TOLLIP: variants seen among roughly 807,000 people sequenced by gnomAD.
The protein encoded by TOLLIP is toll-interacting protein.
Under a neutral mutation model 33.5 loss-of-function variants are expected in TOLLIP, and 16 were observed. That is an observed-to-expected ratio of 0.48 (90% confidence interval 0.32 to 0.72). TOLLIP has a LOEUF of 0.72. Ranked by LOEUF, TOLLIP falls within the 30% of genes least tolerant of loss-of-function variation. The pLI is 0.03. For synonymous variants in TOLLIP, 176 were observed against 163.7 expected (o/e 1.07, Z -0.57); for missense variants, 325 against 396.6 (o/e 0.82, Z 1.53).
Position 1,276,564 on chromosome 11 carries a change from A to T in TOLLIP, c.*475T>A. The T allele has an allele frequency of 1.1e-6, 1 of 881,988 alleles. No individual in the cohort carries two copies. The highest frequency in any genetic ancestry group is 1.6e-6 in the Non-Finnish European group (1 of 638,770). The allele number at this position is 881,988 out of a possible 1,614,324, so 54.6% of individuals were successfully genotyped here. A position where few individuals can be genotyped will look rare whatever the true frequency, so the allele number is the denominator to read the frequency against. ...GGCCAGGCTCACAGCAAAGCGCGTT[A>T]GGGCAAGGGCGTGAGTTTTCGTCTG... On this transcript the variant is annotated 3_prime_UTR_variant, in exon 6 of 6. Transcript: ENST00000317204.
At position 1,290,380 on chromosome 11, in the gene TOLLIP, G is replaced by A; in HGVS notation, c.213C>T (p.Thr71=). ...GCAGTCGGCAGTAGGGGTCCATGCG[G>A]GTCATGCCGTAATTCTTGGCCAACT... ...QAKLAKNYGM[T]RMDPYCRLRL... The change falls in exon 3 of 6, where the codon ACC becomes ACT. Residue 71 remains threonine, a synonymous_variant. Coordinates refer to ENST00000317204, the MANE Select transcript of TOLLIP (RefSeq NM_019009.4). The surrounding 1 kb of genome is among the most constrained non-coding windows in gnomAD (Gnocchi z 4.9). The A allele has an allele frequency of 6.2e-7, 1 of 1,612,454 alleles. No individual in the cohort carries two copies. Among genetic ancestry groups the A allele is most frequent in the South Asian group, 1.1e-5 (1 of 91,072 alleles).
In TOLLIP at chr11:1,309,576, G is replaced by T; in HGVS notation, c.-78C>A. The T allele has an allele frequency of 1.2e-6, 1 of 805,426 alleles. No homozygotes were observed. The highest frequency in any genetic ancestry group is 1.7e-6 in the Non-Finnish European group (1 of 595,250). The allele number at this position is 805,426 out of a possible 1,614,324, so 49.9% of individuals were successfully genotyped here. A position where few individuals can be genotyped will look rare whatever the true frequency, so the allele number is the denominator to read the frequency against. ...ACCTCCTGCGCCCCCGCCGGAGCCT[G>T]CGACGGAGACAGTTGTCACCTCGAG... On this transcript the variant is annotated 5_prime_UTR_variant, in exon 1 of 6. Transcript: ENST00000317204.
At position 1,277,507 on chromosome 11, in the gene TOLLIP, A is replaced by G. The variant is rs1348676221; in HGVS notation, c.611-254T>C. Among the ~76,000 whole-genome samples, 2 of 152,192 alleles carry G rather than the reference A, an allele frequency of 1.3e-5. No homozygotes were observed. The highest frequency in any genetic ancestry group is 4.8e-5 in the African/African-American group (2 of 41,454). On this transcript the variant is annotated intron_variant, in intron 5 of 5. Coordinates refer to ENST00000317204, the MANE Select transcript of TOLLIP (RefSeq NM_019009.4). The surrounding 1 kb of genome is among the most constrained non-coding windows in gnomAD (Gnocchi z 4.2). ...CTTCACTAACTCATCTTCCTTCCAT[A>G]TAAAAATCAAAGTTTGATCTTTCAA...
chr11:1,292,083 G>C (rs555948045), intron 2 of TOLLIP: 2 of 152,276 alleles, frequency 1.3e-5, no homozygotes, highest in Non-Finnish European at 2.9e-5. Flanking sequence ...TGGCCACAGC[G>C]TACTCCGGAA....
intron 4 of TOLLIP, among the ~76,000 whole-genome samples, chr11:1,287,007 G>A (rs900204402): frequency 3.3e-5 from 5 of 151,992 alleles, no homozygotes; most frequent in Non-Finnish European, 7.4e-5. Flanking sequence ...GTTCGAAACT[G>A]TCAGCTGCGG....
rs5743946 is a variant in TOLLIP, at chr11:1,292,586, G to A, written c.184-2177C>T. ...ACTGCTCTGCTGAAGTGACCTCCTC[G>A]ATGTTTATGGAAGCATCTGCCCATT... On this transcript the variant is annotated intron_variant, in intron 2 of 5. Coordinates refer to ENST00000317204, the MANE Select transcript of TOLLIP (RefSeq NM_019009.4). Among the ~76,000 whole-genome samples, 333 of 152,316 alleles carry A rather than the reference G, an allele frequency of 2.2e-3. 1 individual carries two copies. The highest frequency in any genetic ancestry group is 7.3e-3 in the African/African-American group (304 of 41,566).
intron 3 of TOLLIP, among the ~76,000 whole-genome samples, chr11:1,289,043 G>A (rs1450008675): frequency 1.3e-5 from 2 of 152,230 alleles, no homozygotes; most frequent in South Asian, 2.1e-4. Context: ...GAAAGCGAGG[G>A]CCCTGGGCTG....
At chr11:1,293,788 G>C (rs1166733270) in intron 2 of TOLLIP, among the ~76,000 whole-genome samples, 1 of 152,272 alleles carries the variant, frequency 6.6e-6, no homozygotes, top group Non-Finnish European at 1.5e-5. Context: ...GGCCCTGCCA[G>C]GAGGTGGCGG....
intron 1 of TOLLIP, among the ~76,000 whole-genome samples, chr11:1,307,238 A>G (rs1864443797): frequency 1.3e-5 from 2 of 152,216 alleles, no homozygotes; most frequent in South Asian, 4.1e-4. Flanking sequence ...GCCAGACCTC[A>G]TGTTACTATG....
intron 5 of TOLLIP, among the ~76,000 whole-genome samples, chr11:1,280,611 T>A (rs987958871): frequency 2.6e-5 from 4 of 152,060 alleles, no homozygotes; most frequent in African/African-American, 9.7e-5. Flanking sequence ...GCAGCCACGG[T>A]GAGCACAGAA....
intron 5 of TOLLIP, among the ~76,000 whole-genome samples, chr11:1,284,502 C>T (rs1428899929): frequency 6.6e-6 from 1 of 152,150 alleles, no homozygotes; most frequent in Non-Finnish European, 1.5e-5. Flanking sequence ...GCGCCCACCA[C>T]CGCGCCCGGC....
rs1246271649 is a variant in TOLLIP at position 1,278,150 on chromosome 11, A to T, written c.611-897T>A. On this transcript the variant is annotated intron_variant, in intron 5 of 5. Coordinates refer to ENST00000317204, the MANE Select transcript of TOLLIP (RefSeq NM_019009.4). The surrounding 1 kb of genome is among the most constrained non-coding windows in gnomAD (Gnocchi z 4.7). ...CCTCCCAGCCTGGTGGCCGCTCCCT[A>T]AAACCACGAGCAGCCCTGAGCACAG... 1.3e-5 allele frequency among the ~76,000 whole-genome samples: 2 copies of T among 152,062 alleles called. No individual in the cohort carries two copies. Among genetic ancestry groups the T allele is most frequent in the African/African-American group, 4.8e-5 (2 of 41,402 alleles).
rs146905441 is a variant in TOLLIP at position 1,301,055 on chromosome 11, A to G, written c.34-5261T>C. 5.9e-5 allele frequency among the ~76,000 whole-genome samples: 9 copies of G among 152,396 alleles called. No individual in the cohort carries two copies. The East Asian group carries it at 1.3e-3, about 23-fold the overall frequency. On this transcript the variant is annotated intron_variant, in intron 1 of 5. Coordinates refer to ENST00000317204, the MANE Select transcript of TOLLIP (RefSeq NM_019009.4). ...GCATAACTAAGTCGAACGAAGTTCAATTAAAAACTAAAATGCTTCTAGCAC... is the reference window on the plus strand; with the variant it reads ...GCATAACTAAGTCGAACGAAGTTCAGTTAAAAACTAAAATGCTTCTAGCAC...
intron 5 of TOLLIP, among the ~76,000 whole-genome samples, chr11:1,283,794 C>T (rs1044487185): frequency 6.6e-6 from 1 of 152,192 alleles, no homozygotes; most frequent in Non-Finnish European, 1.5e-5. Flanking sequence ...CTGCACCCCC[C>T]AAAAAGACAG....
intron 5 of TOLLIP, among the ~76,000 whole-genome samples, chr11:1,281,292 G>A (rs563483445): frequency 3.3e-5 from 5 of 152,108 alleles, no homozygotes; most frequent in Admixed American, 1.3e-4. Flanking sequence ...TCACTGATGC[G>A]GTCACACTTT....
chr11:1,288,554 G>A (rs1231205127), intron 4 of TOLLIP, 70 bp downstream of exon 4: 3 of 1,506,616 alleles, frequency 2.0e-6, no homozygotes. Context: ...GGGTGTCTGT[G>A]GGGCGGCATA....
rs903674147 is a variant in TOLLIP at position 1,284,970 on chromosome 11, G to A, written c.610+1032C>T. ...CCCAAGGTGGCCTTTCTGCATCTGTGCAGGATGCTGGCAGGACTGGGGTGC... is the reference window on the plus strand; with the variant it reads ...CCCAAGGTGGCCTTTCTGCATCTGTACAGGATGCTGGCAGGACTGGGGTGC... On this transcript the variant is annotated intron_variant, in intron 5 of 5. Transcript: ENST00000317204. Among the ~76,000 whole-genome samples the A allele has an allele frequency of 4.6e-5, 7 of 152,296 alleles. No homozygotes were observed. In the South Asian group the frequency reaches 1.2e-3, roughly 27 times the overall value.
chr11:1,287,486 C>T (rs1228581897), intron 4 of TOLLIP, among the ~76,000 whole-genome samples: 2 of 28,030 alleles, frequency 7.1e-5, no homozygotes, highest in Non-Finnish European at 1.4e-4. Flanking sequence ...GCACCCTCCC[C>T]GCCGCACCCT....
At chr11:1,280,270 C>G (rs925431607) in intron 5 of TOLLIP, among the ~76,000 whole-genome samples, 4 of 152,244 alleles carry the variant, frequency 2.6e-5, no homozygotes, top group African/African-American at 9.6e-5. Context: ...CTGGCCCTCT[C>G]TGGAACTCAC....
Sources: gnomAD v4.1 joint callset for allele counts (sites outside exome capture counted in the v4.1 genomes callset) on GRCh38, gnomAD v4.1.1 for gene constraint, Gnocchi (gnomAD v3.1) non-coding constraint, MANE v1.5 for transcripts, NCBI Gene and HGNC (gene_info 2026-07-23, HGNC 2026-07-21) for gene names.